Variants in PRORP observed in about 807,000 individuals in gnomAD.
The protein encoded by PRORP is protein only RNase P catalytic subunit.
Under a neutral mutation model 59.4 loss-of-function variants are expected in PRORP, and 51 were observed. The ratio of observed to expected loss-of-function variants is 0.86; its 90% CI spans 0.69 to 1.08. The LOEUF (loss-of-function observed/expected upper bound fraction) is 1.08. Among genes scored for constraint, PRORP ranks in the 50% least tolerant of loss-of-function variants. The pLI is 0.00. For synonymous variants in PRORP, 231 were observed against 245.6 expected (o/e 0.94, Z 0.55); for missense variants, 646 against 690.3 (o/e 0.94, Z 0.72).
chr14:35,150,794 G>A (rs1431502183), intron 4 of PRORP, among the ~76,000 whole-genome samples: 5 of 152,208 alleles, frequency 3.3e-5, no homozygotes, highest in South Asian at 2.1e-4. Flanking sequence ...CATAGAGAAC[G>A]TTTTGAGGGG....
chr14:35,187,632 G>C (rs2048772100), intron 5 of PRORP, among the ~76,000 whole-genome samples: 1 of 151,602 alleles, frequency 6.6e-6, no homozygotes, highest in Non-Finnish European at 1.5e-5. Context: ...TTTTCGCCAT[G>C]TTGGCCAGGT....
chr14:35,232,283 G>C (rs906499074), intron 5 of PRORP, among the ~76,000 whole-genome samples: 2 of 150,242 alleles, frequency 1.3e-5, no homozygotes, highest in African/African-American at 4.9e-5. Context: ...ATAGCTTACT[G>C]CAGCCTCAGA....
chr14:35,158,988 TC>T, intron 4 of PRORP: 1 of 353,652 alleles, frequency 2.8e-6, no homozygotes, highest in East Asian at 8.5e-5. Flanking sequence ...GATTGGCAAA[TC>T]CCACACATTT....
intron 5 of PRORP, among the ~76,000 whole-genome samples, chr14:35,260,194 G>A (rs1042913373): frequency 2.6e-5 from 4 of 151,426 alleles, no homozygotes; most frequent in African/African-American, 9.7e-5. Flanking sequence ...TTTATTTTTA[G>A]TAGAGACAAA....
intron 4 of PRORP, among the ~76,000 whole-genome samples, chr14:35,128,481 T>C (rs1231309242): frequency 6.6e-6 from 1 of 152,134 alleles, no homozygotes; most frequent in Non-Finnish European, 1.5e-5. Flanking sequence ...TTTTCTTTGC[T>C]GGGAGACTTT....
chr14:35,268,753 G>A (rs2051111477), intron 6 of PRORP, among the ~76,000 whole-genome samples: 1 of 152,080 alleles, frequency 6.6e-6, no homozygotes, highest in Admixed American at 6.6e-5. Flanking sequence ...CCGCCACCAT[G>A]CCCAACTAAT....
At position 35,270,542 on chromosome 14, in the gene PRORP, G is replaced by A. The variant is rs772535520; in HGVS notation, c.1566G>A (p.Gln522=). 12 of 1,614,050 alleles carry A rather than the reference G, an allele frequency of 7.4e-6. No homozygotes were observed. Among genetic ancestry groups the A allele is most frequent in the Admixed American group, 1.7e-5 (1 of 59,992 alleles). ...KTQRLFFKWQ[Q]GHQLAIVNRF... is the part of the protein sequence containing the mutation. ...AACGCCTGTTTTTTAAGTGGCAGCA[G>A]GGACATCAGCTGGCAATTGTAAATA... Residue 522 remains glutamine (Q), a synonymous_variant, in exon 7 of 8, where the codon CAG becomes CAA. Transcript: ENST00000534898.
chr14:35,253,445 A>G (rs2050670778), intron 5 of PRORP, among the ~76,000 whole-genome samples: 1 of 152,158 alleles, frequency 6.6e-6, no homozygotes, highest in African/African-American at 2.4e-5. Flanking sequence ...ACACACACAC[A>G]CACACTTTTC....
intron 5 of PRORP, among the ~76,000 whole-genome samples, chr14:35,265,013 A>T (rs928155464): frequency 3.3e-5 from 5 of 152,134 alleles, no homozygotes; most frequent in African/African-American, 2.4e-5. Flanking sequence ...AATAAATAAA[A>T]AATAAAAAAA....
In PRORP at chr14:35,141,180, G is replaced by A. The variant is rs1028507593; in HGVS notation, c.1167+13569G>A. ...TCAAAAAGTGAATTTGGAGCTATGC[G>A]CATAGTGTTACTTTAATGTTAATTA... is the stretch of plus-strand genomic sequence containing the variant. On this transcript the variant is annotated intron_variant, in intron 4 of 7. Transcript: ENST00000534898. Among the ~76,000 whole-genome samples the A allele has an allele frequency of 9.0e-5, 13 of 145,152 alleles. 2 individuals carry two copies. In the East Asian group the frequency reaches 2.3e-3, roughly 26 times the overall value.
At chr14:35,221,218 G>A (rs1039425832) in intron 5 of PRORP, among the ~76,000 whole-genome samples, 15 of 150,534 alleles carry the variant, frequency 1.0e-4, no homozygotes, top group South Asian at 8.5e-4. Context: ...ACTTGACTCA[G>A]CTGTAACATT....
At chr14:35,246,611 T>G (rs1440934323) in intron 5 of PRORP, among the ~76,000 whole-genome samples, 2 of 152,234 alleles carry the variant, frequency 1.3e-5, no homozygotes, top group African/African-American at 4.8e-5. Flanking sequence ...ATCTTGTTGC[T>G]ATTGTCTCTA....
chr14:35,222,053 G>A (rs951463927), intron 5 of PRORP: 1 of 151,932 alleles, frequency 6.6e-6, no homozygotes, highest in Non-Finnish European at 1.5e-5. Context: ...TTTATTTTTA[G>A]TTGTCATTTC....
chr14:35,233,632 G>C (rs1287361817), intron 5 of PRORP, among the ~76,000 whole-genome samples: 1 of 137,106 alleles, frequency 7.3e-6, no homozygotes, highest in East Asian at 1.9e-4. Flanking sequence ...TTTGCTTGTT[G>C]CTTCTTTCTT....
intron 5 of PRORP, among the ~76,000 whole-genome samples, chr14:35,182,824 T>C (rs544270621): frequency 6.6e-6 from 1 of 152,280 alleles, no homozygotes; most frequent in Admixed American, 6.5e-5. Flanking sequence ...ATATTTTTGG[T>C]GGATGATTTG....
intron 5 of PRORP, among the ~76,000 whole-genome samples, chr14:35,258,624 C>T (rs1214742248): frequency 6.8e-6 from 1 of 147,286 alleles, no homozygotes; most frequent in Non-Finnish European, 1.5e-5. Flanking sequence ...AAGGAGGACC[C>T]GTGATGTTGT....
chr14:35,135,020 G>A lies in PRORP; in HGVS notation c.1167+7409G>A, dbSNP rs574996797. ...GTTTAAATGCCCCTTCTGTGGGTGG[G>A]TATCAGCTGAGTTTGTTCTATTTTT... On this transcript the variant is annotated intron_variant, in intron 4 of 7. Transcript: ENST00000534898. 4.7e-4 allele frequency among the ~76,000 whole-genome samples: 72 copies of A among 152,326 alleles called. 1 individual carries two copies. Among genetic ancestry groups the A allele is most frequent in the African/African-American group, 1.3e-3 (55 of 41,566 alleles).
rs1255467596 is a variant in PRORP, at chr14:35,266,746, A to G, written c.1295A>G (p.Gln432Arg). 1 of 1,613,934 alleles carries G rather than the reference A, an allele frequency of 6.2e-7. No individual in the cohort carries two copies. Among genetic ancestry groups the G allele is most frequent in the East Asian group, 2.2e-5 (1 of 44,892 alleles). ...TTTTAGCTCTTGAATGTCGTCTCTC[A>G]ACTAGCCAAACGGAATCTGCGACTG... is the stretch of plus-strand genomic sequence containing the variant. ...ESQLLLNVVSQLAKRNLRLLV... is the reference protein window; with the variant it reads ...ESQLLLNVVSRLAKRNLRLLV... The change falls in exon 6 of 8, where the codon CAA becomes CGA. Residue 432 changes from glutamine to arginine, a missense_variant. Physicochemically the swap from Gln to Arg is conservative, Grantham distance 43. Transcript: ENST00000534898.
intron 7 of PRORP, 47 bp from the exon 8 acceptor site, chr14:35,273,388 C>T (rs749531070): frequency 1.3e-6 from 2 of 1,533,922 alleles, no homozygotes; most frequent in East Asian, 2.4e-5. Flanking sequence ...GGCCAAGTAG[C>T]CCTTTAGTGT....
Sources: gnomAD v4.1 joint callset for allele counts (sites outside exome capture counted in the v4.1 genomes callset) on GRCh38, gnomAD v4.1.1 for gene constraint, MANE v1.5 for transcripts, NCBI Gene and HGNC (gene_info 2026-07-23, HGNC 2026-07-21) for gene names.